LUZP2: variants seen among roughly 807,000 people sequenced by gnomAD.
LUZP2 encodes the protein leucine zipper protein 2.
LUZP2 carries 52 observed loss-of-function variants against 51.6 expected under a neutral mutation model. That is an observed-to-expected ratio of 1.01 (90% CI 0.81 to 1.27). The LOEUF is 1.27. Among genes scored for constraint, LUZP2 ranks in the 50% most tolerant of loss-of-function variants. LUZP2 has a pLI of 0.00. For synonymous variants in LUZP2, 154 were observed against 137.3 expected, an observed-to-expected ratio of 1.12 and a Z score of -0.85; for missense variants, 436 against 395.4, an observed-to-expected ratio of 1.10 and a Z score of -0.87.
At chr11:25,004,151 T>C (rs1019100649) in intron 9 of LUZP2, among the ~76,000 whole-genome samples, 4 of 152,162 alleles carry the variant, frequency 2.6e-5, no homozygotes, top group African/African-American at 7.2e-5. Flanking sequence ...AGTCCAGTTG[T>C]TGGATCATCT....
At chr11:25,044,097 GAT>G (rs1192013526) in intron 9 of LUZP2, among the ~76,000 whole-genome samples, 3 of 91,824 alleles carry the variant, frequency 3.3e-5, no homozygotes, top group East Asian at 3.3e-4. Context: ...ATATATATCT[GAT>G]ATATATAGAC....
At chr11:24,714,795 A>G (rs76813068) in intron 1 of LUZP2, among the ~76,000 whole-genome samples, 1,614 of 152,298 alleles carry the variant, frequency 0.011, 25 homozygotes, top group African/African-American at 0.036. Context: ...TAGCCTGACT[A>G]CTAGAGATGG....
intron 1 of LUZP2, among the ~76,000 whole-genome samples, chr11:24,518,132 A>C (rs991068904): frequency 2.6e-5 from 4 of 152,150 alleles, no homozygotes; most frequent in African/African-American, 7.2e-5. Context: ...ATTGAATTCA[A>C]ACAAATAAAA....
intron 2 of LUZP2, among the ~76,000 whole-genome samples, chr11:24,731,630 G>A (rs1027064206): frequency 6.6e-6 from 1 of 151,546 alleles, no homozygotes; most frequent in African/African-American, 2.4e-5. Flanking sequence ...TTTTTTGTGT[G>A]TGTCTTAATG....
intron 8 of LUZP2, among the ~76,000 whole-genome samples, chr11:24,982,038 C>T (rs185463097): frequency 1.2e-4 from 18 of 151,844 alleles, no homozygotes; most frequent in African/African-American, 3.1e-4. Context: ...ATTAGAGAAA[C>T]GCGAATCAAA....
At chr11:24,811,388 T>C (rs1476338716) in intron 5 of LUZP2, among the ~76,000 whole-genome samples, 1 of 152,176 alleles carries the variant, frequency 6.6e-6, no homozygotes, top group Non-Finnish European at 1.5e-5. Context: ...CCAAACTGAA[T>C]TTCTGATATT....
intron 1 of LUZP2, among the ~76,000 whole-genome samples, chr11:24,687,985 C>T (rs1406555044): frequency 6.6e-6 from 1 of 152,090 alleles, no homozygotes; most frequent in African/African-American, 2.4e-5. Flanking sequence ...TTCACTAAGT[C>T]TCTCTTTCTC....
At chr11:25,006,493 C>A (rs1856837164) in intron 9 of LUZP2, among the ~76,000 whole-genome samples, 1 of 152,122 alleles carries the variant, frequency 6.6e-6, no homozygotes, top group Non-Finnish European at 1.5e-5. Context: ...CCAGGCAAAC[C>A]AATGCTCACA....
intron 5 of LUZP2, among the ~76,000 whole-genome samples, chr11:24,880,926 C>T (rs2134293254): frequency 6.6e-6 from 1 of 152,252 alleles, no homozygotes; most frequent in African/African-American, 2.4e-5. Context: ...TGTATCTGTA[C>T]TATGGAAAGC....
In LUZP2 at chr11:24,738,247, C is replaced by G; in HGVS notation, c.278C>G (p.Ala93Gly). The change falls in exon 4 of 12, where the codon GCC becomes GGC. Residue 93 changes from alanine (A) to glycine (G), a missense_variant. Ala to Gly is a moderately conservative substitution (Grantham distance 60). Transcript: ENST00000336930. ...QREEMKSLQE[A>G]LQNQLKETSE... ...GAAGAAATGAAGTCTCTTCAGGAGG[C>G]CCTGCAAAATCAGCTTAAGGAGACA... The G allele has an allele frequency of 6.2e-7, 1 of 1,612,018 alleles. No homozygotes were observed.
intron 1 of LUZP2, among the ~76,000 whole-genome samples, chr11:24,724,554 G>A (rs1858402612): frequency 1.3e-5 from 2 of 152,144 alleles, no homozygotes; most frequent in African/African-American, 4.8e-5. Context: ...CTGGGTGGCA[G>A]AGCCAGACCC....
chr11:24,776,404 C>A (rs1402107890), intron 5 of LUZP2, among the ~76,000 whole-genome samples: 1 of 152,146 alleles, frequency 6.6e-6, no homozygotes, highest in Non-Finnish European at 1.5e-5. Flanking sequence ...CACATTTCTG[C>A]TCTTATGTTG....
intron 5 of LUZP2, among the ~76,000 whole-genome samples, chr11:24,826,962 C>T (rs866713683): frequency 6.6e-6 from 1 of 151,792 alleles, no homozygotes; most frequent in East Asian, 1.9e-4. Flanking sequence ...AACATCTGGA[C>T]ATAAAAAACC....
intron 1 of LUZP2, among the ~76,000 whole-genome samples, chr11:24,602,167 T>TAC (rs1477805589): frequency 1.3e-4 from 8 of 62,576 alleles, no homozygotes; most frequent in African/African-American, 8.3e-4. Flanking sequence ...TGTATATATG[T>TAC]GTATATATAT....
intron 1 of LUZP2, among the ~76,000 whole-genome samples, chr11:24,544,628 G>T (rs558471318): frequency 5.0e-4 from 76 of 152,124 alleles, no homozygotes; most frequent in African/African-American, 1.8e-3. Context: ...ATTTTTTATG[G>T]CTGTGTAGTA....
chr11:24,643,211 C>T (rs1354944958), intron 1 of LUZP2, among the ~76,000 whole-genome samples: 2 of 141,154 alleles, frequency 1.4e-5, no homozygotes, highest in Non-Finnish European at 3.0e-5. Context: ...GAGTTCAAGA[C>T]CAGCCTGGCC....
intron 1 of LUZP2, among the ~76,000 whole-genome samples, chr11:24,599,261 A>G (rs1182133253): frequency 6.6e-6 from 1 of 152,120 alleles, no homozygotes; most frequent in African/African-American, 2.4e-5. Context: ...AACCAGGAAG[A>G]TGATTTGTTA....
At chr11:24,903,700 C>T (rs568684900) in intron 5 of LUZP2, among the ~76,000 whole-genome samples, 13 of 152,198 alleles carry the variant, frequency 8.5e-5, no homozygotes, top group African/African-American at 2.2e-4. Context: ...TTTAGCCTGC[C>T]CATCTAAAGA....
chr11:25,039,039 T>C (rs1857953642), intron 9 of LUZP2, among the ~76,000 whole-genome samples: 1 of 152,170 alleles, frequency 6.6e-6, no homozygotes, highest in African/African-American at 2.4e-5. Flanking sequence ...TTTTCTGTGG[T>C]GTAAATAGGA....
Sources: allele counts gnomAD v4.1 joint callset (sites outside exome capture counted in the v4.1 genomes callset), GRCh38; gene constraint gnomAD v4.1.1; transcripts MANE v1.5; gene names NCBI Gene and HGNC (gene_info 2026-07-23, HGNC 2026-07-21).